The following CHST9 variants were observed in gnomAD, a reference collection of about 807,000 sequenced individuals.
CHST9 encodes the protein carbohydrate sulfotransferase 9.
In CHST9, 41 loss-of-function variants were observed where a neutral mutation model predicts 44.4. The observed-to-expected ratio is 0.92, with a 90% confidence interval of 0.72 to 1.20. CHST9 has a LOEUF of 1.20. Ranked by LOEUF, CHST9 falls within the 50% of genes most tolerant of loss-of-function variation. CHST9 has a pLI of 0.00. For synonymous variants in CHST9, 171 were observed against 178.4 expected (o/e 0.96, Z 0.33); for missense variants, 504 against 516.5 (o/e 0.98, Z 0.23).
intron 2 of CHST9, among the ~76,000 whole-genome samples, chr18:27,104,461 T>C (rs1161404500): frequency 6.6e-6 from 1 of 152,216 alleles, no homozygotes; most frequent in Non-Finnish European, 1.5e-5. Context: ...ATGAAGACCC[T>C]TTCCTTAGAC....
At chr18:26,977,642 C>A (rs1403256359) in intron 4 of CHST9, among the ~76,000 whole-genome samples, 4 of 152,072 alleles carry the variant, frequency 2.6e-5, no homozygotes, top group Non-Finnish European at 2.9e-5. Flanking sequence ...TTCCTATGTG[C>A]ATTGCTAAGC....
chr18:27,090,437 GC>G (rs1342082759), intron 2 of CHST9, among the ~76,000 whole-genome samples: 1 of 152,084 alleles, frequency 6.6e-6, no homozygotes, highest in African/African-American at 2.4e-5. Flanking sequence ...CTGTGCAGAA[GC>G]TCTTTAGTTT....
chr18:27,105,863 A>G (rs950465713), intron 2 of CHST9, among the ~76,000 whole-genome samples: 1 of 152,188 alleles, frequency 6.6e-6, no homozygotes, highest in Non-Finnish European at 1.5e-5. Context: ...CGATAAAGTT[A>G]GAATGAGATT....
intron 5 of CHST9, among the ~76,000 whole-genome samples, chr18:26,922,346 T>A (rs1833073814): frequency 6.6e-6 from 1 of 152,212 alleles, no homozygotes; most frequent in South Asian, 2.1e-4. Flanking sequence ...TTGAAATGAC[T>A]ATAGCACTTA....
chr18:27,102,560 A>T (rs1241626130), intron 2 of CHST9, among the ~76,000 whole-genome samples: 1 of 152,248 alleles, frequency 6.6e-6, no homozygotes, highest in Admixed American at 6.5e-5. Context: ...TCATTGGGGA[A>T]ATATAGAATC....
intron 4 of CHST9, among the ~76,000 whole-genome samples, chr18:26,955,879 G>A (rs1426634139): frequency 2.0e-5 from 3 of 152,082 alleles, no homozygotes; most frequent in East Asian, 3.9e-4. Flanking sequence ...CTGAGGTCAC[G>A]CAGTCAGTTG....
At chr18:27,116,981 AT>A (rs144419527) in intron 2 of CHST9, among the ~76,000 whole-genome samples, 36 of 148,984 alleles carry the variant, frequency 2.4e-4, no homozygotes, top group South Asian at 6.3e-4. Flanking sequence ...GTTAATTCTA[AT>A]TTTTTTTTTG....
chr18:27,020,202 T>C (rs943472392), intron 4 of CHST9, among the ~76,000 whole-genome samples: 4 of 152,234 alleles, frequency 2.6e-5, no homozygotes, highest in Non-Finnish European at 5.9e-5. Context: ...ACACATTACT[T>C]GGTGCTTCCT....
intron 2 of CHST9, among the ~76,000 whole-genome samples, chr18:27,081,357 GAAGAA>G (rs1327836692): frequency 2.6e-5 from 4 of 151,962 alleles, no homozygotes; most frequent in Admixed American, 6.6e-5. Flanking sequence ...AAACAAAAAA[GAAGAA>G]AAGAAAAGAA....
chr18:27,168,439 A>C (rs1056723675), intron 1 of CHST9, among the ~76,000 whole-genome samples: 1 of 152,160 alleles, frequency 6.6e-6, no homozygotes, highest in African/African-American at 2.4e-5. Flanking sequence ...AAAGAAGCTA[A>C]TTAGGAAGGA....
At chr18:26,995,020 A>C (rs1359738172) in intron 4 of CHST9, among the ~76,000 whole-genome samples, 1 of 152,050 alleles carries the variant, frequency 6.6e-6, no homozygotes, top group Non-Finnish European at 1.5e-5. Flanking sequence ...CTTCTGGGGA[A>C]AGCCGGTGGA....
At chr18:27,089,296 C>A (rs1217674901) in intron 2 of CHST9, among the ~76,000 whole-genome samples, 1 of 145,840 alleles carries the variant, frequency 6.9e-6, no homozygotes, top group African/African-American at 2.5e-5. Context: ...AGCCCCCCAC[C>A]CCCCGACATG....
intron 2 of CHST9, among the ~76,000 whole-genome samples, chr18:27,060,725 T>G (rs745673679): frequency 1.3e-5 from 2 of 152,230 alleles, no homozygotes; most frequent in Non-Finnish European, 2.9e-5. Context: ...ATAAAACATG[T>G]AAACTAATCA....
intron 2 of CHST9, among the ~76,000 whole-genome samples, chr18:27,092,183 T>G (rs2058075566): frequency 6.6e-6 from 1 of 152,234 alleles, no homozygotes; most frequent in South Asian, 2.1e-4. Context: ...AGGGTGTATG[T>G]GTCCAGGAAT....
At chr18:27,158,537 C>G (rs571608938) in intron 1 of CHST9, among the ~76,000 whole-genome samples, 7 of 151,612 alleles carry the variant, frequency 4.6e-5, no homozygotes, top group Non-Finnish European at 1.0e-4. Flanking sequence ...CAAGTCTTTG[C>G]TATTGTGAAT....
At chr18:27,159,681 T>C (rs1223815406) in intron 1 of CHST9, among the ~76,000 whole-genome samples, 1 of 152,208 alleles carries the variant, frequency 6.6e-6, no homozygotes, top group African/African-American at 2.4e-5. Flanking sequence ...TGGCATTGAA[T>C]CTATAAATTA....
chr18:27,125,580 G>C (rs1018376096), intron 2 of CHST9, among the ~76,000 whole-genome samples: 1 of 151,988 alleles, frequency 6.6e-6, no homozygotes. Flanking sequence ...GAATTAATGA[G>C]AAAAATTCTT....
chr18:27,148,073 T>C (rs1039339130), intron 1 of CHST9, among the ~76,000 whole-genome samples: 1 of 151,984 alleles, frequency 6.6e-6, no homozygotes, highest in Non-Finnish European at 1.5e-5. Flanking sequence ...TGTCCACATG[T>C]TCTCATCATT....
chr18:27,016,722 T>C (rs1218293988), intron 4 of CHST9, among the ~76,000 whole-genome samples: 1 of 152,238 alleles, frequency 6.6e-6, no homozygotes, highest in Non-Finnish European at 1.5e-5. Context: ...GAGGATGTTT[T>C]ATATATCTAT....
Sources: gnomAD v4.1 joint callset for allele counts (sites outside exome capture counted in the v4.1 genomes callset) on GRCh38, gnomAD v4.1.1 for gene constraint, MANE v1.5 for transcripts, NCBI Gene and HGNC (gene_info 2026-07-23, HGNC 2026-07-21) for gene names.